The following RYK variants were observed in gnomAD, a reference collection of about 807,000 sequenced individuals.
RYK encodes the protein receptor like tyrosine kinase, also known as inactive tyrosine-protein kinase RYK.
Under a neutral mutation model 70.2 loss-of-function variants are expected in RYK, and 21 were observed. That is an observed-to-expected ratio of 0.30 (90% CI 0.21 to 0.43). The LOEUF is 0.43. Among genes scored for constraint, RYK ranks in the 20% least tolerant of loss-of-function variants. The pLI is 1.00. For synonymous variants in RYK, 267 were observed against 278.0 expected (o/e 0.96, Z 0.39); for missense variants, 604 against 753.3 (o/e 0.80, Z 2.32).
At chr3:134,189,935 G>C (rs2013594870) in intron 8 of RYK, among the ~76,000 whole-genome samples, 1 of 152,040 alleles carries the variant, frequency 6.6e-6, no homozygotes, top group Non-Finnish European at 1.5e-5. Context: ...TTTCTCACTA[G>C]AAAATTGTTT....
At chr3:134,214,097 G>A (rs955156163) in intron 2 of RYK, among the ~76,000 whole-genome samples, 4 of 152,154 alleles carry the variant, frequency 2.6e-5, no homozygotes, top group African/African-American at 4.8e-5. Flanking sequence ...GTGAGCCACC[G>A]CGCCCGGCCG....
intron 9 of RYK, among the ~76,000 whole-genome samples, chr3:134,184,855 A>T (rs1204972368): frequency 6.6e-6 from 1 of 152,058 alleles, no homozygotes; most frequent in Non-Finnish European, 1.5e-5. Flanking sequence ...GTATATTCTT[A>T]AAAACCCTTT....
intron 1 of RYK, among the ~76,000 whole-genome samples, chr3:134,234,152 G>A (rs1277574886): frequency 4.6e-5 from 7 of 151,938 alleles, no homozygotes; most frequent in Non-Finnish European, 1.5e-5. Flanking sequence ...CATGTTTAAA[G>A]AAATATGCAT....
chr3:134,181,890 G>A lies in RYK; in HGVS notation c.1172+1112C>T, dbSNP rs372848093. 1.1e-3 allele frequency among the ~76,000 whole-genome samples: 172 copies of A among 152,298 alleles called. 1 individual carries two copies. Among genetic ancestry groups the A allele is most frequent in the African/African-American group, 4.0e-3 (168 of 41,576 alleles). On this transcript the variant is annotated intron_variant, in intron 10 of 14. Transcript: ENST00000623711. The stretch of plus-strand genomic sequence containing the variant: ...TTTTAAAAAAGGTCTTCATGGCCGG[G>A]CACAGTGGCTCATGCCTGTAATCCC...
At chr3:134,195,297 G>C in intron 6 of RYK, 115 bp from the exon 7 acceptor site, 1 of 690,458 alleles carries the variant, frequency 1.4e-6, no homozygotes, top group Non-Finnish European at 2.5e-6. Context: ...TCCTTACGGA[G>C]ATCACAATAA....
At chr3:134,162,915 G>A (rs2108140222) in intron 13 of RYK, among the ~76,000 whole-genome samples, 1 of 152,264 alleles carries the variant, frequency 6.6e-6, no homozygotes, top group African/African-American at 2.4e-5. Context: ...GGTGACAAGT[G>A]CATCCTGACT....
At chr3:134,169,841 A>G (rs929903466) in intron 13 of RYK, among the ~76,000 whole-genome samples, 3 of 152,196 alleles carry the variant, frequency 2.0e-5, no homozygotes, top group Non-Finnish European at 2.9e-5. Flanking sequence ...TCACATGTGT[A>G]TAGACTCTGG....
Position 134,177,961 on chromosome 3 carries a change from C to A in RYK, c.1285G>T (p.Val429Leu), listed in dbSNP as rs1358329784. 1 of 1,611,980 alleles carries A rather than the reference C, an allele frequency of 6.2e-7. No homozygotes were observed. The highest frequency in any genetic ancestry group is 8.5e-7 in the Non-Finnish European group (1 of 1,179,248). The change falls in exon 11 of 15, where the codon GTA becomes TTA. Residue 429 changes from valine (V) to leucine (L), a missense_variant. Physicochemically the swap from Val to Leu is conservative, Grantham distance 32. Around this residue, in one of 2 missense-constraint regions of RYK, gnomAD observed 466 missense variants for 535.9 expected, o/e 0.87. Coordinates refer to ENST00000623711, the MANE Select transcript of RYK (RefSeq NM_002958.4). ...CTCACCTGTGGATTATTGGCCTCTACTAACTTGCACTGTCGTAAAAACAAT... is the reference window on the plus strand; with the variant it reads ...CTCACCTGTGGATTATTGGCCTCTAATAACTTGCACTGTCGTAAAAACAAT... Reference protein sequence around the residue: ...LKLFLRQCKLVEANNPQAISQ... With the variant: ...LKLFLRQCKLLEANNPQAISQ...
At chr3:134,161,827 A>C (rs2012481209) in intron 13 of RYK, among the ~76,000 whole-genome samples, 1 of 151,196 alleles carries the variant, frequency 6.6e-6, no homozygotes, top group Admixed American at 6.6e-5. Flanking sequence ...CTTGAAAGAA[A>C]ATATAAATCT....
intron 13 of RYK, among the ~76,000 whole-genome samples, chr3:134,168,279 C>G (rs1017744050): frequency 2.2e-4 from 34 of 152,204 alleles, no homozygotes; most frequent in African/African-American, 7.7e-4. Context: ...GGGTATCTAC[C>G]CAAAGGAGTA....
intron 1 of RYK, among the ~76,000 whole-genome samples, chr3:134,227,859 G>GA (rs2014952498): frequency 6.6e-6 from 1 of 152,114 alleles, no homozygotes; most frequent in South Asian, 2.1e-4. Context: ...ATTTTTAGTA[G>GA]AGACAGGGTT....
intron 1 of RYK, among the ~76,000 whole-genome samples, chr3:134,244,553 C>A (rs527395871): frequency 6.6e-6 from 1 of 152,192 alleles, no homozygotes; most frequent in Non-Finnish European, 1.5e-5. Flanking sequence ...GAAATGAATG[C>A]CTACATTGCA....
intron 1 of RYK, among the ~76,000 whole-genome samples, chr3:134,232,080 T>C (rs1460990100): frequency 6.6e-6 from 1 of 152,212 alleles, no homozygotes; most frequent in African/African-American, 2.4e-5. Flanking sequence ...TCTTGAACTA[T>C]AGTATCTCAA....
rs1345313747 is a variant in RYK, at chr3:134,157,679, A to G, written c.*474T>C. 1 of 152,672 alleles carries G rather than the reference A, an allele frequency of 6.5e-6. No homozygotes were observed. The highest frequency in any genetic ancestry group is 6.5e-5 in the Admixed American group (1 of 15,274). The allele number at this position is 152,672 out of a possible 1,614,324, so 9.5% of individuals were successfully genotyped here. ...CTTTTTATGCTGTTTTTCCTTTACT[A>G]AGAAAAGTATTGCATCTTGAAGACA... On this transcript the variant is annotated 3_prime_UTR_variant, in exon 15 of 15. Transcript: ENST00000623711.
intron 1 of RYK, among the ~76,000 whole-genome samples, chr3:134,232,764 AC>A (rs1214258337): frequency 6.6e-6 from 1 of 152,240 alleles, no homozygotes; most frequent in African/African-American, 2.4e-5. Context: ...ATATTGTGAG[AC>A]ATGTTTCTGT....
At chr3:134,173,559 T>G (rs2012997180) in intron 13 of RYK, among the ~76,000 whole-genome samples, 1 of 151,954 alleles carries the variant, frequency 6.6e-6, no homozygotes, top group Non-Finnish European at 1.5e-5. Flanking sequence ...ATGGAGTGAG[T>G]GTGAGCAGGG....
chr3:134,248,925 A>C (rs1441009012), intron 1 of RYK, among the ~76,000 whole-genome samples: 1 of 152,112 alleles, frequency 6.6e-6, no homozygotes, highest in African/African-American at 2.4e-5. Flanking sequence ...ATGTGTATAA[A>C]GCATGTAGGG....
chr3:134,162,341 T>G lies in RYK; in HGVS notation c.1576-2968A>C, dbSNP rs547215832. 5.3e-5 allele frequency among the ~76,000 whole-genome samples: 8 copies of G among 152,196 alleles called. No homozygotes were observed. In the East Asian group the frequency reaches 1.5e-3, roughly 29 times the overall value. The stretch of plus-strand genomic sequence containing the variant: ...GAGGAAGGAATATATCTCATTCACT[T>G]TGACAGCAGCATTACCCTAAATACC... On this transcript the variant is annotated intron_variant, in intron 13 of 14. Transcript: ENST00000623711.
chr3:134,195,974 CAA>C (rs1292005065), intron 6 of RYK, among the ~76,000 whole-genome samples: 1 of 151,812 alleles, frequency 6.6e-6, no homozygotes, highest in Non-Finnish European at 1.5e-5. Context: ...AAATTTGGTT[CAA>C]GTTTATTTAA....
Sources: allele counts gnomAD v4.1 joint callset (sites outside exome capture counted in the v4.1 genomes callset), GRCh38; gene constraint gnomAD v4.1.1; regional missense constraint gnomAD v4.1.1; transcripts MANE v1.5; gene names NCBI Gene and HGNC (gene_info 2026-07-23, HGNC 2026-07-21).